PDE8B: variants seen among roughly 807,000 people sequenced by gnomAD.
PDE8B encodes phosphodiesterase 8B.
In PDE8B, 26 loss-of-function variants were observed where a neutral mutation model predicts 101.3. The observed-to-expected ratio is 0.26, with a 90% CI of 0.19 to 0.36. The LOEUF (loss-of-function observed/expected upper bound fraction) is 0.36. Ranked by LOEUF, PDE8B falls within the 10% of genes least tolerant of loss-of-function variation. The probability of loss-of-function intolerance (pLI) is 1.00; values close to 1 mark genes in which losing one functional copy is unlikely to be tolerated. For missense variants in PDE8B, 810 were observed against 1,163.1 expected, an observed-to-expected ratio of 0.70 and a Z score of 4.42; for synonymous variants, 424 against 429.3, an observed-to-expected ratio of 0.99 and a Z score of 0.15.
chr5:77,327,548 C>G (rs1365191383), intron 3 of PDE8B, among the ~76,000 whole-genome samples: 1 of 152,166 alleles, frequency 6.6e-6, no homozygotes, highest in Non-Finnish European at 1.5e-5. Flanking sequence ...TTGAGAAGTA[C>G]TTAGTGTTTC....
chr5:77,254,508 C>A (rs761112286), intron 1 of PDE8B, among the ~76,000 whole-genome samples: 1 of 152,138 alleles, frequency 6.6e-6, no homozygotes, highest in Non-Finnish European at 1.5e-5. Context: ...TACCAAGCTC[C>A]CAAAACCAAG....
chr5:77,097,693 C>CTATATATATCTATATATATATATATCTA, the PDE8B span, among the ~76,000 whole-genome samples: 1 of 30,220 alleles, frequency 3.3e-5, no homozygotes, highest in African/African-American at 1.0e-4. Flanking sequence ...TTTTATATAT[C>CTATATATATCTATATATATATATATCTA]TATATATATA....
the PDE8B span, among the ~76,000 whole-genome samples, chr5:77,124,294 A>G: frequency 6.6e-6 from 1 of 152,200 alleles, no homozygotes; most frequent in Admixed American, 6.5e-5. Flanking sequence ...TAATATAGCT[A>G]TTGGAAATAT....
At chr5:77,296,173 TTTC>T (rs1307518054) in intron 1 of PDE8B, among the ~76,000 whole-genome samples, 4 of 151,430 alleles carry the variant, frequency 2.6e-5, no homozygotes, top group African/African-American at 7.3e-5. Context: ...CTTCTTCTTT[TTTC>T]TTCTTTTTTT....
upstream of PDE8B, among the ~76,000 whole-genome samples, chr5:77,209,842 T>G (rs1747876957): frequency 6.6e-6 from 1 of 152,248 alleles, no homozygotes; most frequent in Non-Finnish European, 1.5e-5. Flanking sequence ...TTTCTGTTCT[T>G]GCCTTGGATC....
the PDE8B span, among the ~76,000 whole-genome samples, chr5:77,124,149 C>T: frequency 2.6e-5 from 4 of 151,968 alleles, no homozygotes; most frequent in Admixed American, 6.6e-5. Context: ...GTAAACTTTA[C>T]AATATCTAGA....
chr5:77,181,264 G>T, the PDE8B span, among the ~76,000 whole-genome samples: 1 of 152,172 alleles, frequency 6.6e-6, no homozygotes, highest in South Asian at 2.1e-4. Flanking sequence ...AGGGTCCCAC[G>T]CTGCGGGGTC....
At chr5:77,337,440 A>G in intron 6 of PDE8B, 125 bp downstream of exon 6, 1 of 701,592 alleles carries the variant, frequency 1.4e-6, no homozygotes. Flanking sequence ...TAAACAGGCA[A>G]TGAATGGCAG....
chr5:77,259,086 CA>C lies in PDE8B; in HGVS notation c.339+47823del, dbSNP rs201719819. ...CACACACACCCCCGCCCCCCCCCCA[CA>C]CACACACACGAATGTTTCTGCCTCT... On this transcript the variant is annotated intron_variant, in intron 1 of 21. Transcript: ENST00000264917. 7.0e-3 allele frequency among the ~76,000 whole-genome samples: 440 copies of C among 63,144 alleles called. 28 individuals are homozygous for C. The highest frequency in any genetic ancestry group is 0.026 in the African/African-American group (390 of 14,994). 41.4% of individuals were successfully genotyped at this position (63,144 alleles called of 152,430 possible). A position where few individuals can be genotyped will look rare whatever the true frequency, so the allele number is the denominator to read the frequency against.
intron 1 of PDE8B, among the ~76,000 whole-genome samples, chr5:77,258,617 C>A (rs1759712034): frequency 6.6e-6 from 1 of 152,186 alleles, no homozygotes; most frequent in African/African-American, 2.4e-5. Flanking sequence ...ATATGTATTC[C>A]TCCCATCCCT....
At chr5:77,390,382 CT>C (rs1789654707) in intron 10 of PDE8B, among the ~76,000 whole-genome samples, 1 of 152,206 alleles carries the variant, frequency 6.6e-6, no homozygotes, top group Non-Finnish European at 1.5e-5. Context: ...GGAATCCCAG[CT>C]TCGAGCTCTG....
intron 1 of PDE8B, among the ~76,000 whole-genome samples, chr5:77,293,896 T>C (rs1229076314): frequency 2.0e-5 from 3 of 152,172 alleles, no homozygotes; most frequent in Admixed American, 1.3e-4. Flanking sequence ...AATTGGGTGT[T>C]TGTTTTCTTA....
At chr5:77,383,165 T>C (rs549358375) in intron 10 of PDE8B, among the ~76,000 whole-genome samples, 1 of 152,306 alleles carries the variant, frequency 6.6e-6, no homozygotes, top group African/African-American at 2.4e-5. Context: ...TTGTGGTTTT[T>C]ATTTGCATTT....
the PDE8B span, among the ~76,000 whole-genome samples, chr5:77,197,228 C>T: frequency 6.6e-6 from 1 of 150,866 alleles, no homozygotes; most frequent in South Asian, 2.1e-4. Flanking sequence ...TCTCCTGCCT[C>T]ACCCTCCCAA....
intron 17 of PDE8B, among the ~76,000 whole-genome samples, chr5:77,414,665 C>T (rs1433460715): frequency 7.3e-5 from 11 of 151,300 alleles, no homozygotes; most frequent in African/African-American, 2.4e-4. Flanking sequence ...CTCCTGACCT[C>T]GTGATCCACC....
At chr5:77,281,106 G>A (rs984786138) in intron 1 of PDE8B, among the ~76,000 whole-genome samples, 16 of 152,172 alleles carry the variant, frequency 1.1e-4, no homozygotes, top group African/African-American at 2.9e-4. Flanking sequence ...CCGTGGAAGC[G>A]CCACTTCCCT....
chr5:77,260,183 G>GAAAAAAAAA (rs201206456), intron 1 of PDE8B, among the ~76,000 whole-genome samples: 1 of 135,170 alleles, frequency 7.4e-6, no homozygotes, highest in Non-Finnish European at 1.6e-5. Context: ...AGAAAAAAAA[G>GAAAAAAAAA]AAAAAAAAAA....
Position 77,310,734 on chromosome 5 carries a change from G to A in PDE8B, c.340-1260G>A, listed in dbSNP as rs569154317. Among the ~76,000 whole-genome samples, 4 of 152,238 alleles carry A rather than the reference G, an allele frequency of 2.6e-5. No homozygotes were observed. In the South Asian group the frequency reaches 8.3e-4, roughly 32 times the overall value. ...AACCTCAGATGAGCAGTCATTAGAG[G>A]GCTCTTTGAGTTTTCTGCTGGCTGG... On this transcript the variant is annotated intron_variant, in intron 1 of 21. Transcript: ENST00000264917.
At chr5:77,285,576 G>A (rs982556084) in intron 1 of PDE8B, among the ~76,000 whole-genome samples, 5 of 152,148 alleles carry the variant, frequency 3.3e-5, no homozygotes, top group Non-Finnish European at 4.4e-5. Context: ...CCTAAACATA[G>A]TTTTCTTTGT....
Sources: allele counts gnomAD v4.1 joint callset (sites outside exome capture counted in the v4.1 genomes callset), GRCh38; gene constraint gnomAD v4.1.1; transcripts MANE v1.5; gene names NCBI Gene and HGNC (gene_info 2026-07-23, HGNC 2026-07-21).